KCNQ1: variants seen among roughly 807,000 people sequenced by gnomAD.
The protein encoded by KCNQ1 is potassium voltage-gated channel subfamily Q member 1.
A neutral mutation model predicts 72.4 loss-of-function variants in KCNQ1; 49 were observed. The ratio of observed to expected loss-of-function variants is 0.68; its 90% CI spans 0.54 to 0.86. The LOEUF is 0.86. Among genes scored for constraint, KCNQ1 ranks in the 40% least tolerant of loss-of-function variants. The pLI, the probability that KCNQ1 is intolerant of heterozygous loss-of-function variation, is 0.00. For synonymous variants in KCNQ1, 450 were observed against 412.6 expected (o/e 1.09, Z -1.10); for missense variants, 790 against 945.1 (o/e 0.84, Z 2.15).
At position 2,664,434 on chromosome 11, in the gene KCNQ1, C is replaced by T. The variant is rs905309467; in HGVS notation, c.1514+2353C>T. On this transcript the variant is annotated intron_variant, in intron 11 of 15. Coordinates refer to ENST00000155840, the MANE Select transcript of KCNQ1 (RefSeq NM_000218.3). The surrounding 1 kb of genome is among the most constrained non-coding windows in gnomAD (Gnocchi z 5.1). ...CACGTACAGTGTCAGGGCCTAGGAA[C>T]CCAGGCTCCTCTGGGATACAGGCTG... is the stretch of plus-strand genomic sequence containing the variant. The T allele has an allele frequency of 7.5e-6, 3 of 398,496 alleles. No homozygotes were observed. The highest frequency in any genetic ancestry group is 4.1e-5 in the African/African-American group (2 of 48,592). The allele number at this position is 398,496 out of a possible 1,614,324, so 24.7% of individuals were successfully genotyped here.
chr11:2,623,001 C>A lies in KCNQ1; in HGVS notation c.1393+34147C>A. The A allele has an allele frequency of 2.5e-6, 1 of 398,654 alleles. No individual in the cohort carries two copies. The highest frequency in any genetic ancestry group is 3.6e-5 in the East Asian group (1 of 28,080). 24.7% of individuals were successfully genotyped at this position (398,654 alleles called of 1,614,324 possible). On this transcript the variant is annotated intron_variant, in intron 10 of 15. Transcript: ENST00000155840. This position sits in a 1 kb window ranked among gnomAD's most constrained non-coding sequence, Gnocchi z 5.2. ...CTCTGTGTTCCCACCCAAATCTCAT[C>A]TTGAACTGTAATCCCCATGTGTCAG...
chr11:2,746,537 AGAG>A lies in KCNQ1; in HGVS notation c.1515-22301_1515-22299del, dbSNP rs1846140736. On this transcript the variant is annotated intron_variant, in intron 11 of 15. Transcript: ENST00000155840. The surrounding 1 kb of genome is among the most constrained non-coding windows in gnomAD (Gnocchi z 5.9). ...TTGTTGGTGGTGACCTGGACGGTTCAGAGGAGGACAGGTCAGGTGTTTGTAGGG... is the reference window on the plus strand; with the variant it reads ...TTGTTGGTGGTGACCTGGACGGTTCAGAGGACAGGTCAGGTGTTTGTAGGG... Among the ~76,000 whole-genome samples the A allele has an allele frequency of 6.6e-6, 1 of 152,190 alleles. No homozygotes were observed.
In KCNQ1 at chr11:2,462,387, C is replaced by T. The variant is rs991569687; in HGVS notation, c.386+16903C>T. Among the ~76,000 whole-genome samples, 1 of 152,182 alleles carries T rather than the reference C, an allele frequency of 6.6e-6. No homozygotes were observed. The highest frequency in any genetic ancestry group is 1.5e-5 in the Non-Finnish European group (1 of 68,026). ...CCTCCTCTCTCTGACGGGCCTGCTC[C>T]TGAGCTTGACACCTGCCTGGGGGCT... On this transcript the variant is annotated intron_variant, in intron 1 of 15. Coordinates refer to ENST00000155840, the MANE Select transcript of KCNQ1 (RefSeq NM_000218.3). This position sits in a 1 kb window ranked among gnomAD's most constrained non-coding sequence, Gnocchi z 8.2.
Position 2,564,441 on chromosome 11 carries a change from A to G in KCNQ1, c.478-6187A>G, listed in dbSNP as rs1007306012. Among the ~76,000 whole-genome samples, 7 of 152,116 alleles carry G rather than the reference A, an allele frequency of 4.6e-5. No homozygotes were observed. The highest frequency in any genetic ancestry group is 7.2e-5 in the African/African-American group (3 of 41,406). On this transcript the variant is annotated intron_variant, in intron 2 of 15. Coordinates refer to ENST00000155840, the MANE Select transcript of KCNQ1 (RefSeq NM_000218.3). The surrounding 1 kb of genome is among the most constrained non-coding windows in gnomAD (Gnocchi z 4.5). ...AAACCTTGTCTCTACTAATAATACAAAAAGATTAGCCGGGTGTGGTGGTGG... is the reference window on the plus strand; with the variant it reads ...AAACCTTGTCTCTACTAATAATACAGAAAGATTAGCCGGGTGTGGTGGTGG...
intron 15 of KCNQ1, among the ~76,000 whole-genome samples, chr11:2,794,100 C>A (rs1435887869): frequency 6.6e-6 from 1 of 152,068 alleles, no homozygotes; most frequent in Non-Finnish European, 1.5e-5. Context: ...GGCCAAGGAT[C>A]CAGGGGTGGC....
rs867229716 is a variant in KCNQ1 at position 2,653,173 on chromosome 11, T to C, written c.1394-8788T>C. The C allele has an allele frequency of 2.5e-6, 1 of 398,596 alleles. No homozygotes were observed. Among genetic ancestry groups the C allele is most frequent in the Non-Finnish European group, 4.4e-6 (1 of 226,114 alleles). 24.7% of individuals were successfully genotyped at this position (398,596 alleles called of 1,614,324 possible). ...CCAATGTCCCACCTTAGGAAATCCC[T>C]TTCCAAGAGTTCCCTGTGCTGTTGC... On this transcript the variant is annotated intron_variant, in intron 10 of 15. Transcript: ENST00000155840. The surrounding 1 kb of genome is among the most constrained non-coding windows in gnomAD (Gnocchi z 5.3).
intron 11 of KCNQ1, chr11:2,662,902 G>C (rs947074159): frequency 3.5e-5 from 14 of 398,538 alleles, no homozygotes; most frequent in South Asian, 1.3e-4. Flanking sequence ...GGACTCTCTG[G>C]GGGTCAGGAG....
At chr11:2,793,055 A>G (rs1269826445) in intron 15 of KCNQ1, among the ~76,000 whole-genome samples, 1 of 152,190 alleles carries the variant, frequency 6.6e-6, no homozygotes, top group African/African-American at 2.4e-5. Flanking sequence ...AGCAGGGTGA[A>G]CACCCCGTCA....
At chr11:2,774,900 T>C (rs918381171) in intron 12 of KCNQ1, among the ~76,000 whole-genome samples, 4 of 152,140 alleles carry the variant, frequency 2.6e-5, no homozygotes, top group South Asian at 4.2e-4. Flanking sequence ...TGGGCCTCAA[T>C]TGCCTCCCTC....
intron 11 of KCNQ1, among the ~76,000 whole-genome samples, chr11:2,714,051 T>TGTG (rs969917212): frequency 1.1e-4 from 16 of 152,072 alleles, no homozygotes; most frequent in Non-Finnish European, 2.2e-4. Flanking sequence ...ACAGGCAGTC[T>TGTG]CCACAGAGAT....
At position 2,477,282 on chromosome 11, in the gene KCNQ1, T is replaced by C. The variant is rs1846584072; in HGVS notation, c.386+31798T>C. 6.6e-6 allele frequency among the ~76,000 whole-genome samples: 1 copy of C among 152,190 alleles called. No homozygotes were observed. The highest frequency in any genetic ancestry group is 1.5e-5 in the Non-Finnish European group (1 of 68,022). On this transcript the variant is annotated intron_variant, in intron 1 of 15. Coordinates refer to ENST00000155840, the MANE Select transcript of KCNQ1 (RefSeq NM_000218.3). The surrounding 1 kb of genome is among the most constrained non-coding windows in gnomAD (Gnocchi z 5.0). The stretch of plus-strand genomic sequence containing the variant: ...TTCACTGGACAGTGTTTTCATCCCG[T>C]ATGTTTGAACAATTTTTAATGTGGG...
intron 1 of KCNQ1, among the ~76,000 whole-genome samples, chr11:2,448,270 C>G (rs372720479): frequency 2.0e-5 from 3 of 152,184 alleles, no homozygotes; most frequent in Non-Finnish European, 2.9e-5. Flanking sequence ...GGAGACTGCC[C>G]CTGTAGGCTC....
In KCNQ1 at chr11:2,513,188, G is replaced by C. The variant is rs142296328; in HGVS notation, c.387-14740G>C. Among the ~76,000 whole-genome samples the C allele has an allele frequency of 1.6e-3, 247 of 152,302 alleles. 3 individuals carry two copies. Among genetic ancestry groups the C allele is most frequent in the South Asian group, 4.1e-3 (20 of 4,830 alleles). The stretch of plus-strand genomic sequence containing the variant: ...CAGGGACTCCCCCACCCTCCGACCA[G>C]GACCTTTGTACTCTCCTGGCCGTGT... On this transcript the variant is annotated intron_variant, in intron 1 of 15. Coordinates refer to ENST00000155840, the MANE Select transcript of KCNQ1 (RefSeq NM_000218.3).
chr11:2,700,295 C>T (rs910638183), intron 11 of KCNQ1, among the ~76,000 whole-genome samples: 7 of 152,124 alleles, frequency 4.6e-5, no homozygotes, highest in Admixed American at 1.3e-4. Context: ...CACCGGGGGC[C>T]GGGGCCAGCG....
intron 11 of KCNQ1, among the ~76,000 whole-genome samples, chr11:2,727,811 G>A (rs1040020164): frequency 2.2e-4 from 33 of 152,304 alleles, no homozygotes; most frequent in African/African-American, 7.2e-4. Flanking sequence ...CACCTGGCCT[G>A]GTGTGGGCTC....
At position 2,727,490 on chromosome 11, in the gene KCNQ1, AAAG is replaced by A. The variant is rs530795298; in HGVS notation, c.1515-41352_1515-41350del. On this transcript the variant is annotated intron_variant, in intron 11 of 15. Transcript: ENST00000155840. Reference sequence around the variant, plus strand: ...AAATCCTACCCCAGACTCGAGGAATAAAGAGGAGGAGGAGGTTGCCTGAGCTTA... The same window carrying A: ...AAATCCTACCCCAGACTCGAGGAATAAGGAGGAGGAGGTTGCCTGAGCTTA... Among the ~76,000 whole-genome samples the A allele has an allele frequency of 4.6e-5, 7 of 152,118 alleles. 1 individual carries two copies. In the South Asian group the frequency reaches 1.2e-3, roughly 27 times the overall value.
rs1848238587 is a variant in KCNQ1, at chr11:2,565,776, CAT to C, written c.478-4851_478-4850del. 1.3e-5 allele frequency among the ~76,000 whole-genome samples: 2 copies of C among 152,340 alleles called. No individual in the cohort carries two copies. The highest frequency in any genetic ancestry group is 1.3e-4 in the Admixed American group (2 of 15,310). The stretch of plus-strand genomic sequence containing the variant: ...CTCCGAGGCGTTTCTTCCCACTTCA[CAT>C]GTCTTTTCTGTTGTTTCTGCGAAGG... On this transcript the variant is annotated intron_variant, in intron 2 of 15. Coordinates refer to ENST00000155840, the MANE Select transcript of KCNQ1 (RefSeq NM_000218.3). This position sits in a 1 kb window ranked among gnomAD's most constrained non-coding sequence, Gnocchi z 5.6.
At position 2,690,408 on chromosome 11, in the gene KCNQ1, C is replaced by T. The variant is rs188716611; in HGVS notation, c.1514+28327C>T. 7.7e-4 allele frequency: 308 copies of T among 398,678 alleles called. 2 individuals are homozygous for T. Among genetic ancestry groups the T allele is most frequent in the Non-Finnish European group, 1.5e-4 (33 of 226,118 alleles). 24.7% of individuals were successfully genotyped at this position (398,678 alleles called of 1,614,324 possible). On this transcript the variant is annotated intron_variant, in intron 11 of 15. Transcript: ENST00000155840. This position sits in a 1 kb window ranked among gnomAD's most constrained non-coding sequence, Gnocchi z 5.1. ...CAGACCAAAAGAGCTATCTCTCTCC[C>T]TGCGAAAGGCTGGGGTCCTGGGAGC... is the stretch of plus-strand genomic sequence containing the variant.
At position 2,733,849 on chromosome 11, in the gene KCNQ1, C is replaced by CTTGCTCTT. The variant is rs1554914266; in HGVS notation, c.1515-34994_1515-34993insTGCTCTTT. Among the ~76,000 whole-genome samples, 3 of 35,196 alleles carry CTTGCTCTT rather than the reference C, an allele frequency of 8.5e-5. 1 individual carries two copies. The highest frequency in any genetic ancestry group is 5.1e-4 in the African/African-American group (3 of 5,926). 23.1% of individuals were successfully genotyped at this position (35,196 alleles called of 152,430 possible). A position where few individuals can be genotyped will look rare whatever the true frequency, so the allele number is the denominator to read the frequency against. On this transcript the variant is annotated intron_variant, in intron 11 of 15. Coordinates refer to ENST00000155840, the MANE Select transcript of KCNQ1 (RefSeq NM_000218.3). ...TCTCTCTCTCTCTCTCTCTCTCTCTCTCTCTCTCCCCCCCCACTTCAGGGC... is the reference window on the plus strand; with the variant it reads ...TCTCTCTCTCTCTCTCTCTCTCTCTCTTGCTCTTTCTCTCTCCCCCCCCACTTCAGGGC...
Sources: gnomAD v4.1 joint callset for allele counts (sites outside exome capture counted in the v4.1 genomes callset) on GRCh38, gnomAD v4.1.1 for gene constraint, Gnocchi (gnomAD v3.1) non-coding constraint, MANE v1.5 for transcripts, NCBI Gene and HGNC (gene_info 2026-07-23, HGNC 2026-07-21) for gene names.